SPIDR: variants seen among roughly 807,000 people sequenced by gnomAD.
SPIDR encodes scaffold protein involved in DNA repair.
A neutral mutation model predicts 104.6 loss-of-function variants in SPIDR; 93 were observed. The ratio of observed to expected loss-of-function variants is 0.89; its 90% CI spans 0.75 to 1.06. The LOEUF (loss-of-function observed/expected upper bound fraction) is 1.06, where lower values mean the gene tolerates loss of function less well. SPIDR is among the 50% of genes least tolerant of loss of function. SPIDR has a pLI of 0.00. For synonymous variants in SPIDR, 431 were observed against 416.9 expected (o/e 1.03, Z -0.41); for missense variants, 1,154 against 1,111.2 (o/e 1.04, Z -0.55).
At chr8:47,630,502 TAAAG>T (rs2066891740) in intron 10 of SPIDR, among the ~76,000 whole-genome samples, 1 of 152,202 alleles carries the variant, frequency 6.6e-6, no homozygotes, top group South Asian at 2.1e-4. Context: ...TTTAGAGTGT[TAAAG>T]AAATGTGTGA....
intron 8 of SPIDR, among the ~76,000 whole-genome samples, chr8:47,552,861 G>C (rs1486442576): frequency 6.6e-6 from 1 of 152,122 alleles, no homozygotes; most frequent in Non-Finnish European, 1.5e-5. Flanking sequence ...AGCATTGATG[G>C]TCTTTACAAT....
chr8:47,692,506 T>C (rs890863992), intron 11 of SPIDR, among the ~76,000 whole-genome samples: 18 of 149,802 alleles, frequency 1.2e-4, no homozygotes, highest in Non-Finnish European at 2.2e-4. Flanking sequence ...TTTTTTTTTT[T>C]TTTTCTTTGA....
chr8:47,319,969 G>A (rs1269840511), intron 5 of SPIDR, among the ~76,000 whole-genome samples: 1 of 151,678 alleles, frequency 6.6e-6, no homozygotes, highest in East Asian at 2.0e-4. Context: ...GAAATTTATA[G>A]CACTAAATGC....
rs376143687 is a variant in SPIDR, at chr8:47,555,786, G to GT, written c.1098-40024dup. 4.0e-3 allele frequency among the ~76,000 whole-genome samples: 612 copies of GT among 152,300 alleles called. 4 individuals carry two copies. The highest frequency in any genetic ancestry group is 0.023 in the South Asian group (109 of 4,822). On this transcript the variant is annotated intron_variant, in intron 8 of 19. Transcript: ENST00000297423. ...ATGGGTATCAAGCCACTCTGTGAAT[G>GT]TGAGTTCTTACTCCATCTGGTAGAA...
intron 7 of SPIDR, among the ~76,000 whole-genome samples, chr8:47,421,489 G>T (rs1249393685): frequency 6.6e-6 from 1 of 152,104 alleles, no homozygotes; most frequent in African/African-American, 2.4e-5. Flanking sequence ...CTCTGCATTG[G>T]TTATTCTAGT....
chr8:47,367,813 G>A (rs1563758713), intron 5 of SPIDR, among the ~76,000 whole-genome samples: 2 of 152,164 alleles, frequency 1.3e-5, no homozygotes, highest in African/African-American at 2.4e-5. Context: ...TTCAGTGAAC[G>A]AACGTAGGAA....
intron 8 of SPIDR, among the ~76,000 whole-genome samples, chr8:47,572,708 A>ATAAATAAATAAATAAC (rs1381705109): frequency 3.4e-5 from 5 of 148,460 alleles, no homozygotes; most frequent in Non-Finnish European, 5.9e-5. Flanking sequence ...AAATAAATAA[A>ATAAATAAATAAATAAC]TAACTTGTAC....
At chr8:47,360,008 C>T (rs782692465) in intron 5 of SPIDR, among the ~76,000 whole-genome samples, 4 of 151,896 alleles carry the variant, frequency 2.6e-5, no homozygotes, top group Admixed American at 1.3e-4. Context: ...TTTGGGAGGC[C>T]GAGGCGGGCG....
intron 1 of SPIDR, among the ~76,000 whole-genome samples, chr8:47,276,276 C>T (rs1397840048): frequency 6.6e-6 from 1 of 152,298 alleles, no homozygotes; most frequent in South Asian, 2.1e-4. Context: ...ATATTCTGTA[C>T]TTGTTAAATG....
intron 10 of SPIDR, among the ~76,000 whole-genome samples, chr8:47,625,083 A>C (rs2065831625): frequency 1.3e-5 from 2 of 152,234 alleles, no homozygotes; most frequent in Non-Finnish European, 2.9e-5. Context: ...CTGGTTCAAC[A>C]TACACAAATC....
intron 8 of SPIDR, among the ~76,000 whole-genome samples, chr8:47,465,376 G>T (rs782320234): frequency 6.6e-6 from 1 of 152,142 alleles, no homozygotes; most frequent in Non-Finnish European, 1.5e-5. Context: ...TACGAACCTT[G>T]AATGGAAATA....
chr8:47,676,673 C>T (rs2076492327), intron 11 of SPIDR, among the ~76,000 whole-genome samples: 1 of 152,108 alleles, frequency 6.6e-6, no homozygotes, highest in South Asian at 2.1e-4. Context: ...ATAACCTTTT[C>T]CCAATTGGAA....
chr8:47,270,937 T>A (rs908333160), intron 1 of SPIDR, among the ~76,000 whole-genome samples: 1 of 152,196 alleles, frequency 6.6e-6, no homozygotes, highest in Admixed American at 6.5e-5. Context: ...ATGATTTCAC[T>A]CCTTTTAAAT....
intron 10 of SPIDR, among the ~76,000 whole-genome samples, chr8:47,642,966 T>C (rs573572664): frequency 2.2e-4 from 34 of 152,300 alleles, no homozygotes; most frequent in African/African-American, 8.2e-4. Context: ...TTTTTGCAAA[T>C]TTGGGAAATT....
intron 19 of SPIDR, 103 bp downstream of exon 19, chr8:47,729,568 C>A: frequency 7.6e-7 from 1 of 1,322,270 alleles, no homozygotes; most frequent in Non-Finnish European, 1.0e-6. Flanking sequence ...TCTATTACAA[C>A]CCATCCCACT....
At chr8:47,726,550 C>T (rs1025104978) in intron 16 of SPIDR, among the ~76,000 whole-genome samples, 4 of 152,218 alleles carry the variant, frequency 2.6e-5, no homozygotes, top group Non-Finnish European at 4.4e-5. Flanking sequence ...CAACTGTGCT[C>T]ACCCGGCCTC....
At chr8:47,446,231 G>C (rs901398354) in intron 8 of SPIDR, among the ~76,000 whole-genome samples, 1 of 152,134 alleles carries the variant, frequency 6.6e-6, no homozygotes, top group Non-Finnish European at 1.5e-5. Context: ...ATTGAATCCA[G>C]TGTTCATTTA....
At position 47,735,920 on chromosome 8, in the gene SPIDR, T is replaced by C. The variant is rs1420445120; in HGVS notation, c.*470T>C. The C allele has an allele frequency of 4.1e-6, 1 of 241,320 alleles. No homozygotes were observed. Among genetic ancestry groups the C allele is most frequent in the African/African-American group, 2.3e-5 (1 of 42,934 alleles). The allele number at this position is 241,320 out of a possible 1,614,324, so 14.9% of individuals were successfully genotyped here. On this transcript the variant is annotated 3_prime_UTR_variant, in exon 20 of 20. Coordinates refer to ENST00000297423, the MANE Select transcript of SPIDR (RefSeq NM_001080394.4). The stretch of plus-strand genomic sequence containing the variant: ...CAATAAATGTCAAACCTAAGCACTT[T>C]GCAGTTCACTACTTTTGGGAAAATG...
At chr8:47,298,074 A>G (rs1235876589) in intron 5 of SPIDR, among the ~76,000 whole-genome samples, 3 of 152,206 alleles carry the variant, frequency 2.0e-5, no homozygotes, top group African/African-American at 4.8e-5. Context: ...ACTCCCACCA[A>G]CAGTGTAAAA....
Sources: allele counts gnomAD v4.1 joint callset (sites outside exome capture counted in the v4.1 genomes callset), GRCh38; gene constraint gnomAD v4.1.1; transcripts MANE v1.5; gene names NCBI Gene and HGNC (gene_info 2026-07-23, HGNC 2026-07-21).